CYREN: variants seen among roughly 807,000 people sequenced by gnomAD.
CYREN encodes cell cycle regulator of NHEJ.
CYREN carries 7 observed loss-of-function variants against 9.7 expected under a neutral mutation model. That is an observed-to-expected ratio of 0.72 (90% CI 0.41 to 1.36). CYREN has a LOEUF of 1.36. Ranked by LOEUF, CYREN falls within the 40% of genes most tolerant of loss-of-function variation. The probability of loss-of-function intolerance (pLI) is 0.01; values close to 1 mark genes in which losing one functional copy is unlikely to be tolerated. For synonymous variants in CYREN, 76 were observed against 77.9 expected (o/e 0.98, Z 0.13); for missense variants, 215 against 198.1 (o/e 1.09, Z -0.51).
chr7:135,099,438 GAAGT>G (rs1374400235), intron 2 of CYREN, among the ~76,000 whole-genome samples: 1 of 152,132 alleles, frequency 6.6e-6, no homozygotes, highest in Non-Finnish European at 1.5e-5. Flanking sequence ...TTAAATATAT[GAAGT>G]AATTGTCAAG....
At chr7:135,155,661 G>C (rs546126000) in intron 2 of CYREN, among the ~76,000 whole-genome samples, 2 of 152,164 alleles carry the variant, frequency 1.3e-5, no homozygotes, top group South Asian at 4.1e-4. Context: ...GACCAACCGG[G>C]GCAAAATAGC....
chr7:135,110,303 T>G (rs1421405380), intron 2 of CYREN, among the ~76,000 whole-genome samples: 1 of 152,164 alleles, frequency 6.6e-6, no homozygotes, highest in African/African-American at 2.4e-5. Flanking sequence ...CCCCCTGGAT[T>G]CAGCCCCTTT....
intron 2 of CYREN, chr7:135,128,436 AAATT>A: frequency 2.8e-6 from 2 of 707,632 alleles, no homozygotes. Flanking sequence ...GTTCCTCAGA[AAATT>A]AAATGTCAGA....
At position 135,158,622 on chromosome 7, in the gene CYREN, G is replaced by A. The variant is rs533916013; in HGVS notation, n.356+10127C>T. ...TCAGCCCAAACTCAGGCTGGGAGGGGAATGCAGCCCAGCATTAAACTCTCA... is the reference window on the plus strand; with the variant it reads ...TCAGCCCAAACTCAGGCTGGGAGGGAAATGCAGCCCAGCATTAAACTCTCA... On this transcript the variant is annotated intron_variant and non_coding_transcript_variant, in intron 2 of 2. Transcript: ENST00000459937. Among the ~76,000 whole-genome samples, 8 of 152,326 alleles carry A rather than the reference G, an allele frequency of 5.3e-5. No individual in the cohort carries two copies. The South Asian group carries it at 1.7e-3, about 32-fold the overall frequency.
upstream of CYREN, among the ~76,000 whole-genome samples, chr7:135,172,182 A>G (rs1830688240): frequency 6.6e-6 from 1 of 150,902 alleles, no homozygotes; most frequent in Non-Finnish European, 1.5e-5. Flanking sequence ...TCTGGTTTTG[A>G]CTTGGCTTGA....
At chr7:135,103,211 T>C (rs955657695) in intron 2 of CYREN, among the ~76,000 whole-genome samples, 8 of 152,160 alleles carry the variant, frequency 5.3e-5, no homozygotes, top group African/African-American at 1.7e-4. Flanking sequence ...ATGTTAGCTG[T>C]CTATAATCAT....
chr7:135,111,925 C>T (rs1006654550), intron 2 of CYREN, among the ~76,000 whole-genome samples: 21 of 152,128 alleles, frequency 1.4e-4, no homozygotes, highest in Non-Finnish European at 4.4e-5. Flanking sequence ...TACTGGATAT[C>T]GCCATCTGTT....
At chr7:135,161,534 A>G (rs1394365098), downstream of CYREN, among the ~76,000 whole-genome samples, 5 of 152,234 alleles carry the variant, frequency 3.3e-5, no homozygotes, top group African/African-American at 1.2e-4. This position sits in a 1 kb window ranked among gnomAD's most constrained non-coding sequence, Gnocchi z 4.1. Flanking sequence ...CAAACCCATT[A>G]AAAGCACAGA....
intron 2 of CYREN, among the ~76,000 whole-genome samples, chr7:135,142,747 G>T (rs1468240863): frequency 6.6e-6 from 1 of 151,818 alleles, no homozygotes; most frequent in African/African-American, 2.4e-5. Flanking sequence ...AAATAAAAAC[G>T]AAATACTTAA....
intron 2 of CYREN, chr7:135,134,760 AT>A: frequency 7.9e-7 from 1 of 1,262,690 alleles, no homozygotes. Context: ...GAAAAATATT[AT>A]TTATACTATG....
At chr7:135,164,606 G>C, downstream of CYREN, 1 of 1,614,230 alleles carries the variant, frequency 6.2e-7, no homozygotes, top group African/African-American at 1.3e-5. Context: ...TCTGCCTGTG[G>C]AATGAGGACA....
Position 135,166,416 on chromosome 7 carries a change from C to T in CYREN, c.*195G>A, listed in dbSNP as rs1830136244. On this transcript the variant is annotated 3_prime_UTR_variant, in exon 4 of 4. Coordinates refer to ENST00000393114, the MANE Select transcript of CYREN (RefSeq NM_024033.4). ...CTCATTTTGAGTCCTGCCTTCCGCACACTCAGAACGGCAGCCCCAAGGCCC... is the reference window on the plus strand; with the variant it reads ...CTCATTTTGAGTCCTGCCTTCCGCATACTCAGAACGGCAGCCCCAAGGCCC... 1.4e-6 allele frequency: 1 copy of T among 739,544 alleles called. No homozygotes were observed. The highest frequency in any genetic ancestry group is 2.1e-6 in the Non-Finnish European group (1 of 481,446). 45.8% of individuals were successfully genotyped at this position (739,544 alleles called of 1,614,324 possible).
At chr7:135,167,643 G>A (rs535025524) in intron 3 of CYREN, 89 bp downstream of exon 3, 15 of 1,572,146 alleles carry the variant, frequency 9.5e-6, no homozygotes, top group Admixed American at 5.5e-5. Context: ...CTACGGCAGA[G>A]GGCGTCTCTC....
At chr7:135,145,442 C>T (rs1220632961) in intron 2 of CYREN, among the ~76,000 whole-genome samples, 1 of 152,100 alleles carries the variant, frequency 6.6e-6, no homozygotes, top group African/African-American at 2.4e-5. Context: ...GAATCCCCAG[C>T]ATGGTGGTGA....
At chr7:135,125,468 A>G (rs1007515695) in intron 2 of CYREN, among the ~76,000 whole-genome samples, 2 of 152,184 alleles carry the variant, frequency 1.3e-5, no homozygotes, top group African/African-American at 4.8e-5. Flanking sequence ...AGAAGTACAA[A>G]GAAGAGCTGG....
At chr7:135,129,688 A>T (rs1828454516) in intron 2 of CYREN, 2 of 773,476 alleles carry the variant, frequency 2.6e-6, no homozygotes, top group African/African-American at 3.4e-5. Context: ...GAGATTGAAG[A>T]CTAGTTAACT....
At chr7:135,129,486 TG>T (rs771535568) in intron 2 of CYREN, 48 of 773,246 alleles carry the variant, frequency 6.2e-5, no homozygotes, top group African/African-American at 1.7e-4. Context: ...CTGACCATGT[TG>T]TGGAACTCCC....
chr7:135,110,903 T>G (rs1217408666), intron 2 of CYREN, among the ~76,000 whole-genome samples: 1 of 152,210 alleles, frequency 6.6e-6, no homozygotes, highest in Non-Finnish European at 1.5e-5. Flanking sequence ...GCCCCTATCT[T>G]AGATTACAGA....
intron 2 of CYREN, among the ~76,000 whole-genome samples, chr7:135,097,536 A>G (rs1431863605): frequency 6.6e-6 from 1 of 152,156 alleles, no homozygotes; most frequent in East Asian, 1.9e-4. Context: ...GGCATGTTTC[A>G]TTCAGTCTGT....
Sources: gnomAD v4.1 joint callset for allele counts (sites outside exome capture counted in the v4.1 genomes callset) on GRCh38, gnomAD v4.1.1 for gene constraint, Gnocchi (gnomAD v3.1) non-coding constraint, MANE v1.5 for transcripts, NCBI Gene and HGNC (gene_info 2026-07-23, HGNC 2026-07-21) for gene names.